The following SDK1 variants were observed in gnomAD, a reference collection of about 807,000 sequenced individuals.
The protein encoded by SDK1 is sidekick cell adhesion molecule 1.
In SDK1, 157 loss-of-function variants were observed where a neutral mutation model predicts 245.5. That is an observed-to-expected ratio of 0.64 (90% confidence interval 0.56 to 0.73). SDK1 has a LOEUF of 0.73. Among genes scored for constraint, SDK1 ranks in the 30% least tolerant of loss-of-function variants. SDK1 has a pLI of 0.00. For missense variants in SDK1, 3,583 were observed against 3,002.3 expected, an observed-to-expected ratio of 1.19 and a Z score of -4.52; for synonymous variants, 1,647 against 1,278.5, an observed-to-expected ratio of 1.29 and a Z score of -6.15.
chr7:3,418,145 G>GAAAAAAAAAA (rs200914826), intron 1 of SDK1, among the ~76,000 whole-genome samples: 10 of 119,724 alleles, frequency 8.4e-5, no homozygotes, highest in African/African-American at 3.5e-4. Flanking sequence ...TACTAAAAAT[G>GAAAAAAAAAA]AAAAAAAAAA....
chr7:3,534,096 C>T (rs1178266817), intron 1 of SDK1, among the ~76,000 whole-genome samples: 1 of 152,174 alleles, frequency 6.6e-6, no homozygotes, highest in Non-Finnish European at 1.5e-5. Flanking sequence ...GTTCTGTTCT[C>T]TGCTTCTATG....
chr7:4,079,405 C>G, intron 21 of SDK1, 58 bp from the exon 22 acceptor site: 1 of 1,592,994 alleles, frequency 6.3e-7, no homozygotes. Context: ...CGTTTGATAC[C>G]TTTCCTAAGC....
At chr7:3,883,214 C>G (rs970042629) in intron 5 of SDK1, among the ~76,000 whole-genome samples, 8 of 152,186 alleles carry the variant, frequency 5.3e-5, no homozygotes, top group Non-Finnish European at 1.0e-4. Context: ...GAGAAGCCTG[C>G]TTTCCTCTGT....
intron 5 of SDK1, among the ~76,000 whole-genome samples, chr7:3,939,374 C>T (rs1780274160): frequency 6.6e-6 from 1 of 152,208 alleles, no homozygotes; most frequent in African/African-American, 2.4e-5. Context: ...AATGTATAAA[C>T]CAGCTTCCCA....
chr7:3,924,281 C>T (rs1490717482), intron 5 of SDK1, among the ~76,000 whole-genome samples: 1 of 152,114 alleles, frequency 6.6e-6, no homozygotes, highest in Non-Finnish European at 1.5e-5. Flanking sequence ...GTTAGGATGG[C>T]TCAGTTCATT....
At chr7:3,829,384 A>G (rs1345074409) in intron 5 of SDK1, among the ~76,000 whole-genome samples, 1 of 152,186 alleles carries the variant, frequency 6.6e-6, no homozygotes, top group African/African-American at 2.4e-5. Context: ...ACATGTCTTG[A>G]GACCTGACAG....
chr7:4,210,100 C>T lies in SDK1; in HGVS notation c.5477C>T (p.Ala1826Val), dbSNP rs765028093. 31 of 1,609,466 alleles carry T rather than the reference C, an allele frequency of 1.9e-5. No homozygotes were observed. Among genetic ancestry groups the T allele is most frequent in the South Asian group, 4.4e-5 (4 of 90,338 alleles). Residue 1826 changes from alanine to valine, a missense_variant, in exon 38 of 45, where the codon GCG (alanine) becomes GTG (valine). Physicochemically the swap from Ala to Val is moderately conservative, Grantham distance 64. Coordinates refer to ENST00000404826, the MANE Select transcript of SDK1 (RefSeq NM_152744.4). ...TTLNVSWGEPAAANGILQGYR... is the reference protein window; with the variant it reads ...TTLNVSWGEPVAANGILQGYR... ...CTCAACGTGTCCTGGGGCGAGCCTGCGGCGGCCAACGGCATCCTGCAGGGC... is the reference window on the plus strand; with the variant it reads ...CTCAACGTGTCCTGGGGCGAGCCTGTGGCGGCCAACGGCATCCTGCAGGGC...
intron 28 of SDK1, among the ~76,000 whole-genome samples, chr7:4,144,715 G>A (rs1004901447): frequency 3.3e-5 from 5 of 152,172 alleles, no homozygotes; most frequent in African/African-American, 4.8e-5. Context: ...GGCAAGCAGC[G>A]TGGGGTCGCC....
At chr7:4,044,336 G>C (rs1432850476) in intron 17 of SDK1, among the ~76,000 whole-genome samples, 1 of 152,214 alleles carries the variant, frequency 6.6e-6, no homozygotes, top group Non-Finnish European at 1.5e-5. Context: ...AGTTTATTAG[G>C]ACCTGGATCA....
chr7:3,561,147 A>G (rs1047480589), intron 1 of SDK1, among the ~76,000 whole-genome samples: 2 of 152,132 alleles, frequency 1.3e-5, no homozygotes, highest in Non-Finnish European at 2.9e-5. Flanking sequence ...GGCACCTGTT[A>G]CCTAAGAGAC....
chr7:4,263,197 G>A (rs1324643957), intron 44 of SDK1, among the ~76,000 whole-genome samples: 2 of 31,044 alleles, frequency 6.4e-5, no homozygotes, highest in Non-Finnish European at 5.6e-5. Context: ...TTGCCCACCC[G>A]CTTCCCTGTA....
At chr7:3,566,231 T>C (rs1401127121) in intron 1 of SDK1, among the ~76,000 whole-genome samples, 1 of 149,142 alleles carries the variant, frequency 6.7e-6, no homozygotes, top group Non-Finnish European at 1.5e-5. Context: ...CTTCTTTTTT[T>C]TTTTTTTTTT....
At chr7:3,898,885 C>G (rs547382990) in intron 5 of SDK1, among the ~76,000 whole-genome samples, 80 of 152,240 alleles carry the variant, frequency 5.3e-4, no homozygotes, top group African/African-American at 1.9e-3. Flanking sequence ...TGTTGTTAAT[C>G]AGTTTAAGGA....
At position 3,974,515 on chromosome 7, in the gene SDK1, A is replaced by T. The variant is rs1186411557; in HGVS notation, c.1964A>T (p.Asn655Ile). 1.9e-6 allele frequency: 3 copies of T among 1,614,024 alleles called. No homozygotes were observed. Among genetic ancestry groups the T allele is most frequent in the Non-Finnish European group, 2.5e-6 (3 of 1,180,034 alleles). Residue 655 changes from asparagine to isoleucine, a missense_variant, in exon 13 of 45, where the codon AAT (asparagine) becomes ATT (isoleucine). Asn to Ile is a moderately radical substitution (Grantham distance 149). Transcript: ENST00000404826. ...YSCEIVSEGG[N>I]DSRMARLEVI... ...TGCGAGATTGTTTCTGAAGGAGGGAATGACTCCAGGATGGCCCGGCTGGAA... is the reference window on the plus strand; with the variant it reads ...TGCGAGATTGTTTCTGAAGGAGGGATTGACTCCAGGATGGCCCGGCTGGAA...
chr7:3,531,550 A>C (rs1211261758), intron 1 of SDK1, among the ~76,000 whole-genome samples: 2 of 152,200 alleles, frequency 1.3e-5, no homozygotes, highest in Non-Finnish European at 2.9e-5. Flanking sequence ...CATAGTGTGT[A>C]AGTAATTAAA....
At chr7:4,080,719 G>T (rs985200763) in intron 22 of SDK1, among the ~76,000 whole-genome samples, 2 of 152,110 alleles carry the variant, frequency 1.3e-5, no homozygotes, top group Non-Finnish European at 2.9e-5. Flanking sequence ...GCGTTGAGGG[G>T]GTGGGGAGGG....
intron 1 of SDK1, among the ~76,000 whole-genome samples, chr7:3,545,364 A>T (rs1295073838): frequency 6.6e-6 from 1 of 152,210 alleles, no homozygotes; most frequent in Non-Finnish European, 1.5e-5. Flanking sequence ...AGTGAGGCCA[A>T]GATGATATTG....
chr7:4,097,273 AG>A (rs1291842846), intron 22 of SDK1, among the ~76,000 whole-genome samples: 1 of 82,908 alleles, frequency 1.2e-5, no homozygotes, highest in Non-Finnish European at 2.4e-5. Context: ...CTGTACGGCC[AG>A]GGGCTCTCAG....
intron 1 of SDK1, among the ~76,000 whole-genome samples, chr7:3,531,231 C>G (rs907558053): frequency 2.6e-5 from 4 of 152,124 alleles, no homozygotes; most frequent in African/African-American, 9.7e-5. Context: ...TTTACTTGAT[C>G]ACATCGAGCA....
Sources: gnomAD v4.1 joint callset for allele counts (sites outside exome capture counted in the v4.1 genomes callset) on GRCh38, gnomAD v4.1.1 for gene constraint, MANE v1.5 for transcripts, NCBI Gene and HGNC (gene_info 2026-07-23, HGNC 2026-07-21) for gene names.